Variants in SCHIP1 observed in about 807,000 individuals in gnomAD.
SCHIP1 encodes the protein schwannomin interacting protein 1, also known as schwannomin-interacting protein 1.
A neutral mutation model predicts 29.7 loss-of-function variants in SCHIP1; 8 were observed. That is an observed-to-expected ratio of 0.27 (90% confidence interval 0.16 to 0.49). The LOEUF (loss-of-function observed/expected upper bound fraction) is 0.49, where lower values mean the gene tolerates loss of function less well. Ranked by LOEUF, SCHIP1 falls within the 20% of genes least tolerant of loss-of-function variation. The pLI, the probability that SCHIP1 is intolerant of heterozygous loss-of-function variation, is 0.99. For synonymous variants in SCHIP1, 76 were observed against 94.9 expected (o/e 0.80, Z 1.16); for missense variants, 193 against 294.6 (o/e 0.66, Z 2.52).
At chr3:159,691,019 G>A in the SCHIP1 span, among the ~76,000 whole-genome samples, 1 of 152,130 alleles carries the variant, frequency 6.6e-6, no homozygotes, top group East Asian at 1.9e-4. Context: ...CAATTATGTG[G>A]TCGATTTTAG....
the SCHIP1 span, among the ~76,000 whole-genome samples, chr3:159,658,425 T>G: frequency 6.6e-6 from 1 of 152,194 alleles, no homozygotes; most frequent in African/African-American, 2.4e-5. Context: ...TTTTACATAC[T>G]GTTCAGGTAT....
At chr3:159,809,177 C>T in the SCHIP1 span, among the ~76,000 whole-genome samples, 1 of 150,530 alleles carries the variant, frequency 6.6e-6, no homozygotes, top group Admixed American at 6.6e-5. Flanking sequence ...GTGATGTTCC[C>T]TGCCCTGTGT....
chr3:159,769,810 C>T, the SCHIP1 span, among the ~76,000 whole-genome samples: 2 of 152,174 alleles, frequency 1.3e-5, no homozygotes, highest in Admixed American at 1.3e-4. Context: ...CATACATCAA[C>T]TGTACATAGT....
the SCHIP1 span, among the ~76,000 whole-genome samples, chr3:159,343,998 A>G: frequency 2.6e-5 from 4 of 152,224 alleles, no homozygotes; most frequent in Admixed American, 1.3e-4. Context: ...ATTTTAAAAC[A>G]AGATAGGTTA....
the SCHIP1 span, chr3:159,274,010 T>C: frequency 1.3e-6 from 2 of 1,494,340 alleles, no homozygotes; most frequent in Non-Finnish European, 1.8e-6. Flanking sequence ...CATTTTTAAA[T>C]TCAGAATTAA....
intron 1 of SCHIP1, among the ~76,000 whole-genome samples, chr3:159,847,117 C>T (rs1560080063): frequency 6.6e-6 from 1 of 151,970 alleles, no homozygotes; most frequent in African/African-American, 2.4e-5. Context: ...TATTTTAATC[C>T]AAAGGTCTAG....
chr3:159,599,119 G>A, the SCHIP1 span, among the ~76,000 whole-genome samples: 2 of 151,932 alleles, frequency 1.3e-5, no homozygotes, highest in Non-Finnish European at 2.9e-5. Context: ...AAAAGATGAG[G>A]GGTTTTTGTT....
At chr3:159,716,407 C>G in the SCHIP1 span, among the ~76,000 whole-genome samples, 1 of 152,098 alleles carries the variant, frequency 6.6e-6, no homozygotes, top group Non-Finnish European at 1.5e-5. Flanking sequence ...ACAATATTAG[C>G]CTTAAATGTA....
chr3:159,356,142 G>T, the SCHIP1 span, among the ~76,000 whole-genome samples: 5 of 151,724 alleles, frequency 3.3e-5, no homozygotes, highest in Non-Finnish European at 2.9e-5. Flanking sequence ...GCACCAGCAT[G>T]GCACATGTAT....
chr3:159,467,685 A>T, the SCHIP1 span, among the ~76,000 whole-genome samples: 3 of 152,108 alleles, frequency 2.0e-5, no homozygotes, highest in African/African-American at 7.2e-5. Flanking sequence ...AAAATGATCA[A>T]ATTGAGGTGT....
chr3:159,450,449 T>C, the SCHIP1 span, among the ~76,000 whole-genome samples: 1 of 152,238 alleles, frequency 6.6e-6, no homozygotes, highest in Non-Finnish European at 1.5e-5. Flanking sequence ...TCATAAGCAG[T>C]GCCTTTAATG....
chr3:159,591,780 C>T, the SCHIP1 span, among the ~76,000 whole-genome samples: 3 of 151,570 alleles, frequency 2.0e-5, no homozygotes, highest in Non-Finnish European at 4.4e-5. Flanking sequence ...GGGTTGGGGT[C>T]AAGGGGAGGG....
chr3:159,504,877 A>G, the SCHIP1 span, among the ~76,000 whole-genome samples: 12 of 152,130 alleles, frequency 7.9e-5, no homozygotes, highest in Admixed American at 5.2e-4. Flanking sequence ...CGTGTTAGGC[A>G]GCTTACTCCA....
At chr3:159,654,554 G>T in the SCHIP1 span, among the ~76,000 whole-genome samples, 1 of 152,028 alleles carries the variant, frequency 6.6e-6, no homozygotes, top group Non-Finnish European at 1.5e-5. Flanking sequence ...CTCCCTGAGT[G>T]TGTTGGCCTG....
At chr3:159,828,443 A>ATATATATGTATATATACG in the SCHIP1 span, among the ~76,000 whole-genome samples, 1 of 100,480 alleles carries the variant, frequency 1.0e-5, no homozygotes. Context: ...ATATATACGT[A>ATATATATGTATATATACG]TATATATACG....
the SCHIP1 span, among the ~76,000 whole-genome samples, chr3:159,501,048 A>G: frequency 6.6e-6 from 1 of 152,352 alleles, no homozygotes; most frequent in African/African-American, 2.4e-5. Context: ...GGTTATTATA[A>G]TAAAAAGTTT....
chr3:159,599,844 G>A, the SCHIP1 span, among the ~76,000 whole-genome samples: 10 of 152,290 alleles, frequency 6.6e-5, no homozygotes, highest in Admixed American at 1.3e-4. Flanking sequence ...TTTTCATGAT[G>A]GTAGATGTCT....
At chr3:159,680,541 T>C in the SCHIP1 span, among the ~76,000 whole-genome samples, 2 of 117,640 alleles carry the variant, frequency 1.7e-5, no homozygotes, top group South Asian at 4.6e-4. Flanking sequence ...ATATAATATA[T>C]GTATATATAT....
the SCHIP1 span, among the ~76,000 whole-genome samples, chr3:159,543,203 GTTTTT>G: frequency 4.7e-5 from 7 of 149,504 alleles, no homozygotes; most frequent in East Asian, 1.4e-3. Context: ...GTTTTGTTTT[GTTTTT>G]TTATTTTATT....
Sources: gnomAD v4.1 joint callset for allele counts (sites outside exome capture counted in the v4.1 genomes callset) on GRCh38, gnomAD v4.1.1 for gene constraint, MANE v1.5 for transcripts, NCBI Gene and HGNC (gene_info 2026-07-23, HGNC 2026-07-21) for gene names.